UGT1A5: variants seen among roughly 807,000 people sequenced by gnomAD.
UGT1A5 encodes UDP glucuronosyltransferase family 1 member A5.
Under a neutral mutation model 40.3 loss-of-function variants are expected in UGT1A5, and 29 were observed. That is an observed-to-expected ratio of 0.72 (90% CI 0.54 to 0.98). UGT1A5 has a LOEUF of 0.98. Ranked by LOEUF, UGT1A5 falls within the 50% of genes least tolerant of loss-of-function variation. The pLI is 0.00. For synonymous variants in UGT1A5, 257 were observed against 262.5 expected (o/e 0.98, Z 0.20); for missense variants, 678 against 677.9 (o/e 1.00, Z 0.00).
At chr2:233,729,873 C>T (rs758100575) in intron 1 of UGT1A5, 1 of 1,613,864 alleles carries the variant, frequency 6.2e-7, no homozygotes, top group Non-Finnish European at 8.5e-7. Context: ...TGGATATTCT[C>T]AGTCATGCAT....
chr2:233,725,174 G>A (rs1352494338), intron 1 of UGT1A5, among the ~76,000 whole-genome samples: 3 of 99,246 alleles, frequency 3.0e-5, no homozygotes, highest in Admixed American at 1.8e-4. Flanking sequence ...GAGGGAGACC[G>A]TGGGGAGAGG....
At chr2:233,756,303 C>T (rs529039026) in intron 1 of UGT1A5, 7 of 152,196 alleles carry the variant, frequency 4.6e-5, no homozygotes, top group African/African-American at 9.7e-5. Context: ...TTGTATATAA[C>T]CTACCCATAT....
intron 1 of UGT1A5, chr2:233,761,003 A>G: frequency 6.2e-7 from 1 of 1,614,128 alleles, no homozygotes. Context: ...GAATTCCTTC[A>G]GAGAGAGGTG....
At chr2:233,740,454 A>T (rs1319736893) in intron 1 of UGT1A5, among the ~76,000 whole-genome samples, 4 of 151,980 alleles carry the variant, frequency 2.6e-5, no homozygotes, top group Admixed American at 2.0e-4. Flanking sequence ...GAGGAGAAGA[A>T]GATGATGGAC....
rs770564267 is a variant in UGT1A5 at position 233,772,524 on chromosome 2, C to T, written c.1570C>T (p.Arg524Ter). ...GYRKCLGKKG[R>*]VKKAHKSKTH ...CCGGAAATGCTTGGGGAAAAAAGGG[C>T]GAGTTAAGAAAGCCCACAAATCCAA... The change falls in exon 5 of 5, where the codon CGA (arginine) becomes TGA (stop). Residue 524 changes from arginine to a stop codon, truncating the protein, a stop_gained. Transcript: ENST00000373414. LOFTEE classifies it high-confidence loss of function. 33 of 1,613,838 alleles carry T rather than the reference C, an allele frequency of 2.0e-5. No individual in the cohort carries two copies. Among genetic ancestry groups the T allele is most frequent in the Middle Eastern group, 1.6e-4 (1 of 6,084 alleles).
Position 233,713,300 on chromosome 2 carries a change from A to G in UGT1A5, c.309A>G (p.Thr103=). 6.2e-7 allele frequency: 1 copy of G among 1,614,272 alleles called. No individual in the cohort carries two copies. Among genetic ancestry groups the G allele is most frequent in the Non-Finnish European group, 8.5e-7 (1 of 1,180,052 alleles). The change falls in exon 1 of 5, where the codon ACA becomes ACG. Residue 103 remains threonine (T), a synonymous_variant. Coordinates refer to ENST00000373414, the MANE Select transcript of UGT1A5 (RefSeq NM_019078.2). ...GTCACACTCAATCGTTCTTTGAAACAGAACATCTTCTGATGAAATTTTCTA... is the reference window on the plus strand; with the variant it reads ...GTCACACTCAATCGTTCTTTGAAACGGAACATCTTCTGATGAAATTTTCTA... ...LLGHTQSFFE[T]EHLLMKFSRR...
chr2:233,770,096 C>T (rs1250263322), intron 4 of UGT1A5: 2 of 152,608 alleles, frequency 1.3e-5, no homozygotes, highest in African/African-American at 4.8e-5. Flanking sequence ...GTATAGATAA[C>T]TACTTGTAAC....
Position 233,745,246 on chromosome 2 carries a change from G to A in UGT1A5, c.868-21788G>A, listed in dbSNP as rs148872010. Among the ~76,000 whole-genome samples, 467 of 151,884 alleles carry A rather than the reference G, an allele frequency of 3.1e-3. 15 individuals are homozygous for A. The highest frequency in any genetic ancestry group is 0.011 in the African/African-American group (453 of 41,220). ...GAAATACAGCACTATTTACTGTATCGAAACCATTAAGACTTGCAGGCCGTG... is the reference window on the plus strand; with the variant it reads ...GAAATACAGCACTATTTACTGTATCAAAACCATTAAGACTTGCAGGCCGTG... On this transcript the variant is annotated intron_variant, in intron 1 of 4. Coordinates refer to ENST00000373414, the MANE Select transcript of UGT1A5 (RefSeq NM_019078.2).
In UGT1A5 at chr2:233,740,517, A is replaced by G. The variant is rs139363796; in HGVS notation, c.868-26517A>G. On this transcript the variant is annotated intron_variant, in intron 1 of 4. Transcript: ENST00000373414. ...CTTTCCAGTGTGTGATGTAAGCTGA[A>G]CTAAAATCAGCTGTGTTGAACTCCA... 1.6e-4 allele frequency among the ~76,000 whole-genome samples: 25 copies of G among 152,030 alleles called. No individual in the cohort carries two copies. The East Asian group carries it at 4.2e-3, about 26-fold the overall frequency.
At chr2:233,761,289 C>G in intron 1 of UGT1A5, 1 of 1,541,658 alleles carries the variant, frequency 6.5e-7, no homozygotes, top group Non-Finnish European at 8.8e-7. Context: ...ATTTTTGACT[C>G]CTAGGTTTGA....
At chr2:233,729,474 G>C (rs1258880128) in intron 1 of UGT1A5, 53 of 1,614,092 alleles carry the variant, frequency 3.3e-5, no homozygotes, top group Non-Finnish European at 4.2e-5. Flanking sequence ...GTATGGCAAT[G>C]TTGAACAATA....
Position 233,754,885 on chromosome 2 carries a change from A to G in UGT1A5, c.868-12149A>G, listed in dbSNP as rs750655652. Reference sequence around the variant, plus strand: ...GACCCTCTGCTTCTGCTTCCCAGGGAGTTCCTCTGACCCCCCAAAATATTC... The same window carrying G: ...GACCCTCTGCTTCTGCTTCCCAGGGGGTTCCTCTGACCCCCCAAAATATTC... On this transcript the variant is annotated intron_variant, in intron 1 of 4. Coordinates refer to ENST00000373414, the MANE Select transcript of UGT1A5 (RefSeq NM_019078.2). The G allele has an allele frequency of 3.0e-6, 4 of 1,350,732 alleles. No individual in the cohort carries two copies. In the African/African-American group the frequency reaches 5.9e-5, roughly 20 times the overall value. 83.7% of individuals were successfully genotyped at this position (1,350,732 alleles called of 1,614,324 possible). A position where few individuals can be genotyped will look rare whatever the true frequency, so the allele number is the denominator to read the frequency against.
chr2:233,769,469 G>T lies in UGT1A5; in HGVS notation c.1307+1030G>T. On this transcript the variant is annotated intron_variant, in intron 4 of 4. Coordinates refer to ENST00000373414, the MANE Select transcript of UGT1A5 (RefSeq NM_019078.2). The surrounding 1 kb of genome is among the most constrained non-coding windows in gnomAD (Gnocchi z 4.4). ...CACACGTGTGCATTCATATGCGTGT[G>T]TGTGTGTGTGCGTGTGTTTATGAGA... 2 of 1,610,132 alleles carry T rather than the reference G, an allele frequency of 1.2e-6. No homozygotes were observed.
intron 1 of UGT1A5, among the ~76,000 whole-genome samples, chr2:233,748,894 A>G (rs1694057054): frequency 6.6e-6 from 1 of 151,670 alleles, no homozygotes; most frequent in Non-Finnish European, 1.5e-5. Context: ...CATGTGTCCA[A>G]GAAGGGAAGT....
intron 1 of UGT1A5, among the ~76,000 whole-genome samples, chr2:233,723,275 T>C (rs4663332): frequency 0.33 from 30,050 of 91,182 alleles, 6,430 homozygotes; most frequent in African/African-American, 0.61. Context: ...AATGGCACGA[T>C]GTTGGCTCAC....
chr2:233,760,179 T>C (rs2125979771), intron 1 of UGT1A5: 1 of 1,547,106 alleles, frequency 6.5e-7, no homozygotes, highest in South Asian at 1.2e-5. Flanking sequence ...TGACAGCTTT[T>C]TATAGTCACG....
At chr2:233,733,460 C>T (rs1438150751) in intron 1 of UGT1A5, among the ~76,000 whole-genome samples, 1 of 152,094 alleles carries the variant, frequency 6.6e-6, no homozygotes, top group Non-Finnish European at 1.5e-5. Context: ...ATAAATAGCT[C>T]TTATTATTTT....
chr2:233,772,227 T>G, intron 4 of UGT1A5, 35 bp from the exon 5 acceptor site: 7 of 1,613,472 alleles, frequency 4.3e-6, no homozygotes, highest in Non-Finnish European at 5.1e-6. Flanking sequence ...ATACCACAGG[T>G]GTTCCAGGCA....
At chr2:233,719,723 G>T (rs2076800151) in intron 1 of UGT1A5, 9 of 1,613,628 alleles carry the variant, frequency 5.6e-6, no homozygotes, top group Non-Finnish European at 6.8e-6. Flanking sequence ...CAATGTTCCA[G>T]GCAAAACACT....
Sources: allele counts gnomAD v4.1 joint callset (sites outside exome capture counted in the v4.1 genomes callset), GRCh38; gene constraint gnomAD v4.1.1; non-coding constraint Gnocchi (gnomAD v3.1); transcripts MANE v1.5; gene names NCBI Gene and HGNC (gene_info 2026-07-23, HGNC 2026-07-21).